Variants in SLC3A1 observed in about 807,000 individuals in gnomAD.
The protein encoded by SLC3A1 is amino acid transporter heavy chain SLC3A1.
SLC3A1 carries 78 observed loss-of-function variants against 60.3 expected under a neutral mutation model. The ratio of observed to expected loss-of-function variants is 1.29; its 90% CI spans 1.08 to 1.56. The LOEUF (loss-of-function observed/expected upper bound fraction) is 1.56. Among genes scored for constraint, SLC3A1 ranks in the 40% most tolerant of loss-of-function variants. The pLI, the probability that SLC3A1 is intolerant of heterozygous loss-of-function variation, is 0.00. For missense variants in SLC3A1, 1,172 were observed against 858.9 expected, an observed-to-expected ratio of 1.36 and a Z score of -4.56; for synonymous variants, 392 against 307.9, an observed-to-expected ratio of 1.27 and a Z score of -2.86.
In SLC3A1 at chr2:44,320,461, C is replaced by T. The variant is rs775393219; in HGVS notation, c.1880C>T (p.Ala627Val). The stretch of plus-strand genomic sequence containing the variant: ...AGAATAAGGTTAAGTACCAATTCTG[C>T]CGACAAAGGCAGTAAAGTTGATACA... ...KMRIRLSTNS[A>V]DKGSKVDTSG... The change falls in exon 10 of 10, where the codon GCC (alanine) becomes GTC (valine). Residue 627 changes from alanine (A) to valine (V), a missense_variant. Physicochemically the swap from Ala to Val is moderately conservative, Grantham distance 64. Transcript: ENST00000260649. 6.2e-7 allele frequency: 1 copy of T among 1,614,114 alleles called. No individual in the cohort carries two copies. Among genetic ancestry groups the T allele is most frequent in the East Asian group, 2.2e-5 (1 of 44,882 alleles).
intron 4 of SLC3A1, among the ~76,000 whole-genome samples, chr2:44,287,240 G>A (rs748158696): frequency 6.6e-6 from 1 of 152,122 alleles, no homozygotes; most frequent in Non-Finnish European, 1.5e-5. Flanking sequence ...GCATCGGAGT[G>A]TCAGGTAGAA....
chr2:44,275,709 C>T lies in SLC3A1; in HGVS notation c.174C>T (p.Asp58=). 6.2e-7 allele frequency: 1 copy of T among 1,614,188 alleles called. No homozygotes were observed. Among genetic ancestry groups the T allele is most frequent in the Middle Eastern group, 1.6e-4 (1 of 6,062 alleles). The change falls in exon 1 of 10, where the codon GAC becomes GAT. Residue 58 remains aspartate, a synonymous_variant. Coordinates refer to ENST00000260649, the MANE Select transcript of SLC3A1 (RefSeq NM_000341.4). ...GCATCCTTGGCTCCCAGGAGCCCGA[C>T]TTCAAGGGCGTCCAGCCCTATGCGG... ...TRGILGSQEP[D]FKGVQPYAGM...
At chr2:44,321,685 C>G, downstream of SLC3A1, 2 of 1,559,872 alleles carry the variant, frequency 1.3e-6, no homozygotes, top group Middle Eastern at 1.7e-4. Flanking sequence ...CACAGTGTCC[C>G]TCCCTCCCCT....
intron 3 of SLC3A1, among the ~76,000 whole-genome samples, chr2:44,283,400 C>A (rs981542061): frequency 1.3e-5 from 2 of 152,168 alleles, no homozygotes; most frequent in African/African-American, 4.8e-5. Context: ...TTACAAAATA[C>A]TTACTCTGTG....
intron 6 of SLC3A1, among the ~76,000 whole-genome samples, chr2:44,302,645 T>G (rs1672043389): frequency 6.6e-6 from 1 of 152,244 alleles, no homozygotes; most frequent in African/African-American, 2.4e-5. Context: ...CAGGTGAATG[T>G]GTCTTCCCCC....
intron 9 of SLC3A1, among the ~76,000 whole-genome samples, chr2:44,317,432 A>G (rs372122207): frequency 1.5e-4 from 23 of 148,998 alleles, no homozygotes; most frequent in African/African-American, 5.7e-4. Context: ...ACTGCACTCC[A>G]GCTTGGGCAA....
Position 44,320,714 on chromosome 2 carries a change from ATGC to A in SLC3A1, c.*80_*82del. 1 of 1,123,630 alleles carries A rather than the reference ATGC, an allele frequency of 8.9e-7. No homozygotes were observed. The highest frequency in any genetic ancestry group is 1.3e-5 in the South Asian group (1 of 79,836). 69.6% of individuals were successfully genotyped at this position (1,123,630 alleles called of 1,614,324 possible). ...CATTTGTAATAGCTTCATGTACAGC[ATGC>A]TGCTTGGTGAACAATCATTAATTCT... On this transcript the variant is annotated 3_prime_UTR_variant, in exon 10 of 10. Transcript: ENST00000260649.
chr2:44,321,425 G>C lies in SLC3A1; in HGVS notation c.*786G>C, dbSNP rs776568419. 5.6e-6 allele frequency: 9 copies of C among 1,612,640 alleles called. No individual in the cohort carries two copies. In the South Asian group the frequency reaches 9.9e-5, roughly 18 times the overall value. On this transcript the variant is annotated 3_prime_UTR_variant, in exon 10 of 10. Transcript: ENST00000260649. Reference sequence around the variant, plus strand: ...TGTCAAGTCCAAGTTCCTCGTACAGGAATTTAATTTGGGCTGTAATCTAAA... The same window carrying C: ...TGTCAAGTCCAAGTTCCTCGTACAGCAATTTAATTTGGGCTGTAATCTAAA...
intron 9 of SLC3A1, among the ~76,000 whole-genome samples, chr2:44,315,561 C>A (rs191211949): frequency 2.8e-5 from 4 of 144,920 alleles, no homozygotes; most frequent in African/African-American, 5.1e-5. Context: ...GTCATCCCAG[C>A]TACTCAGGAG....
In SLC3A1 at chr2:44,303,293, G is replaced by C. The variant is rs1054502838; in HGVS notation, c.1137-850G>C. ...CATTCTCACTTTGTTGCCCAGGCTG[G>C]AGTGTGGTGGCATGATCTCATCTCA... is the stretch of plus-strand genomic sequence containing the variant. On this transcript the variant is annotated intron_variant, in intron 6 of 9. Coordinates refer to ENST00000260649, the MANE Select transcript of SLC3A1 (RefSeq NM_000341.4). Among the ~76,000 whole-genome samples the C allele has an allele frequency of 5.5e-5, 8 of 146,786 alleles. 1 individual carries two copies. Among genetic ancestry groups the C allele is most frequent in the African/African-American group, 2.0e-4 (8 of 39,628 alleles).
At chr2:44,286,216 A>T (rs1671610041) in intron 4 of SLC3A1, 59 bp downstream of exon 4, 1 of 1,515,984 alleles carries the variant, frequency 6.6e-7, no homozygotes, top group Non-Finnish European at 9.1e-7. Context: ...ATTTATTTAA[A>T]ACACTTTATA....
chr2:44,292,574 C>A (rs60804411), intron 4 of SLC3A1, among the ~76,000 whole-genome samples: 2 of 152,056 alleles, frequency 1.3e-5, no homozygotes, highest in South Asian at 2.1e-4. Flanking sequence ...ATGTGCCAAG[C>A]GGTCATGACA....
chr2:44,277,160 T>A (rs1157364910), intron 1 of SLC3A1, among the ~76,000 whole-genome samples: 1 of 144,514 alleles, frequency 6.9e-6, no homozygotes, highest in Non-Finnish European at 1.5e-5. Context: ...CAGGCTGGAG[T>A]GCAATGGCAT....
chr2:44,308,230 A>AC (rs1397476234), intron 7 of SLC3A1, among the ~76,000 whole-genome samples: 1 of 152,212 alleles, frequency 6.6e-6, no homozygotes, highest in African/African-American at 2.4e-5. Flanking sequence ...CTATGCCTGA[A>AC]CACCCTGAGT....
At chr2:44,305,308 G>A (rs1186860345) in intron 7 of SLC3A1, among the ~76,000 whole-genome samples, 1 of 151,982 alleles carries the variant, frequency 6.6e-6, no homozygotes, top group Admixed American at 6.6e-5. Context: ...AGGCTCCTTC[G>A]TAAGATGTCT....
intron 7 of SLC3A1, among the ~76,000 whole-genome samples, chr2:44,309,035 T>G (rs774815384): frequency 2.6e-5 from 4 of 152,194 alleles, no homozygotes; most frequent in South Asian, 2.1e-4. Context: ...CCTGGCCTTC[T>G]GAGGAATTTT....
In SLC3A1 at chr2:44,321,275, A is replaced by ATT; in HGVS notation, c.*645_*646dup. ...ATAACTTAAAAGTCTCAAGTTATTA[A>ATT]TTTTTTTTTTGCTAACTCAATTGGA... On this transcript the variant is annotated 3_prime_UTR_variant, in exon 10 of 10. Transcript: ENST00000260649. 5 of 1,092,932 alleles carry ATT rather than the reference A, an allele frequency of 4.6e-6. No individual in the cohort carries two copies. The highest frequency in any genetic ancestry group is 2.7e-5 in the Admixed American group (1 of 36,834). The allele number at this position is 1,092,932 out of a possible 1,614,324, so 67.7% of individuals were successfully genotyped here. A position where few individuals can be genotyped will look rare whatever the true frequency, so the allele number is the denominator to read the frequency against.
rs1387018405 is a variant in SLC3A1 at position 44,281,378 on chromosome 2, A to G, written c.611-9A>G. 1.9e-6 allele frequency: 3 copies of G among 1,606,798 alleles called. No homozygotes were observed. ...TTCCCTAGCATTTGAAATGTCTTTT[A>G]CTCATTAGGTTTAAAATTAATCATC... On this transcript the variant is annotated splice_polypyrimidine_tract_variant and intron_variant, in intron 2 of 9. Transcript: ENST00000260649.
intron 4 of SLC3A1, among the ~76,000 whole-genome samples, chr2:44,294,523 G>A (rs1382183263): frequency 1.1e-4 from 16 of 150,244 alleles, no homozygotes; most frequent in African/African-American, 3.4e-4. Flanking sequence ...AAAAAAAATT[G>A]AAAAGTCAAT....
Sources: gnomAD v4.1 joint callset for allele counts (sites outside exome capture counted in the v4.1 genomes callset) on GRCh38, gnomAD v4.1.1 for gene constraint, MANE v1.5 for transcripts, NCBI Gene and HGNC (gene_info 2026-07-23, HGNC 2026-07-21) for gene names.